The following ATP6V0A2 variants were observed in gnomAD, a reference collection of about 807,000 sequenced individuals.
ATP6V0A2 encodes V-type proton ATPase 116 kDa subunit a 2.
A neutral mutation model predicts 104.4 loss-of-function variants in ATP6V0A2; 58 were observed. The observed-to-expected ratio is 0.56, with a 90% CI of 0.45 to 0.69. ATP6V0A2 has a LOEUF of 0.69. ATP6V0A2 is among the 30% of genes least tolerant of loss of function. The pLI is 0.00. For synonymous variants in ATP6V0A2, 376 were observed against 397.9 expected, an observed-to-expected ratio of 0.95 and a Z score of 0.65; for missense variants, 938 against 1,062.9, an observed-to-expected ratio of 0.88 and a Z score of 1.63.
chr12:123,731,116 A>G (rs559322075), intron 6 of ATP6V0A2: 1 of 152,380 alleles, frequency 6.6e-6, no homozygotes, highest in African/African-American at 2.4e-5. Flanking sequence ...CCCCACGGTT[A>G]TAAAGAAAAT....
At position 123,712,372 on chromosome 12, in the gene ATP6V0A2, T is replaced by TGGCGGCAGCTGGAGC. The variant is rs1179152506; in HGVS notation, c.-187_-173dup. The TGGCGGCAGCTGGAGC allele has an allele frequency of 5.7e-6, 2 of 351,534 alleles. No homozygotes were observed. The highest frequency in any genetic ancestry group is 1.0e-5 in the Non-Finnish European group (2 of 198,390). The allele number at this position is 351,534 out of a possible 1,614,324, so 21.8% of individuals were successfully genotyped here. A position where few individuals can be genotyped will look rare whatever the true frequency, so the allele number is the denominator to read the frequency against. ...GGGGGCGGGACCTCGCGGACTGCTG[T>TGGCGGCAGCTGGAGC]GGCGGCAGCTGGAGCGGCGGCCGCG... On this transcript the variant is annotated 5_prime_UTR_variant, in exon 1 of 20. Coordinates refer to ENST00000330342, the MANE Select transcript of ATP6V0A2 (RefSeq NM_012463.4).
Position 123,752,364 on chromosome 12 carries a change from C to G in ATP6V0A2, c.2137C>G (p.Gln713Glu). ...GSQDIEEGNH[Q>E]VEDGCREMAC... ...CCAAGATATAGAAGAGGGAAATCAC[C>G]AGGTGGAAGATGGATGTAGAGAAAT... is the stretch of plus-strand genomic sequence containing the variant. The change falls in exon 17 of 20, where the codon CAG (glutamine) becomes GAG (glutamate). Residue 713 changes from glutamine to glutamate, a missense_variant. Transcript: ENST00000330342. The G allele has an allele frequency of 6.2e-7, 1 of 1,614,008 alleles. No individual in the cohort carries two copies. Among genetic ancestry groups the G allele is most frequent in the South Asian group, 1.1e-5 (1 of 91,070 alleles).
At position 123,737,197 on chromosome 12, in the gene ATP6V0A2, A is replaced by G; in HGVS notation, c.964A>G (p.Lys322Glu). The G allele has an allele frequency of 6.2e-7, 1 of 1,614,138 alleles. No individual in the cohort carries two copies. Among genetic ancestry groups the G allele is most frequent in the Non-Finnish European group, 8.5e-7 (1 of 1,180,032 alleles). Residue 322 changes from lysine (K) to glutamate (E), a missense_variant, in exon 9 of 20, where the codon AAG becomes GAG. Lys to Glu is a moderately conservative substitution (Grantham distance 56). Coordinates refer to ENST00000330342, the MANE Select transcript of ATP6V0A2 (RefSeq NM_012463.4). ...CATGTGCAGCTTTGACGTGACCAAC[A>G]AGTGCCTCATTGCTGAGGTCTGGTG... ...LNMCSFDVTNKCLIAEVWCPE... is the reference protein window; with the variant it reads ...LNMCSFDVTNECLIAEVWCPE...
intron 6 of ATP6V0A2, chr12:123,732,614 C>G (rs935705440): frequency 7.2e-6 from 1 of 138,274 alleles, no homozygotes; most frequent in African/African-American, 2.6e-5. Context: ...CCATGGGGCT[C>G]GCGTCCTCAC....
In ATP6V0A2 at chr12:123,758,132, A is replaced by C; in HGVS notation, c.*100A>C. On this transcript the variant is annotated 3_prime_UTR_variant, in exon 20 of 20. Coordinates refer to ENST00000330342, the MANE Select transcript of ATP6V0A2 (RefSeq NM_012463.4). Reference sequence around the variant, plus strand: ...TTATGATAGGAAAAATTCCATCTTCATTACTGCCTTATGACATAGCCAAAT... The same window carrying C: ...TTATGATAGGAAAAATTCCATCTTCCTTACTGCCTTATGACATAGCCAAAT... 1.2e-6 allele frequency: 1 copy of C among 822,960 alleles called. No homozygotes were observed. The allele number at this position is 822,960 out of a possible 1,614,324, so 51.0% of individuals were successfully genotyped here. A position where few individuals can be genotyped will look rare whatever the true frequency, so the allele number is the denominator to read the frequency against.
Position 123,718,768 on chromosome 12 carries a change from A to G in ATP6V0A2, c.196+67A>G. ...TATATAGGCAAACCTTGTTCGGTTT[A>G]AAAATATTGGAAAATATAGACAAGC... On this transcript the variant is annotated intron_variant, in intron 2 of 19. Transcript: ENST00000330342. 11 of 1,151,130 alleles carry G rather than the reference A, an allele frequency of 9.6e-6. 1 individual carries two copies. The South Asian group carries it at 1.5e-4, about 16-fold the overall frequency. 71.3% of individuals were successfully genotyped at this position (1,151,130 alleles called of 1,614,324 possible).
chr12:123,720,255 C>T (rs1956386292), intron 2 of ATP6V0A2, among the ~76,000 whole-genome samples: 1 of 152,144 alleles, frequency 6.6e-6, no homozygotes, highest in African/African-American at 2.4e-5. Flanking sequence ...TTGTGTGGTT[C>T]ATGTACGTTA....
chr12:123,747,907 T>C (rs1473518451), intron 14 of ATP6V0A2, among the ~76,000 whole-genome samples, 182 bp downstream of exon 14: 1 of 152,182 alleles, frequency 6.6e-6, no homozygotes, highest in East Asian at 1.9e-4. Context: ...AGCAAATATG[T>C]ATTTATCGAG....
intron 9 of ATP6V0A2, among the ~76,000 whole-genome samples, chr12:123,742,265 A>G (rs1772358971): frequency 6.6e-6 from 1 of 152,094 alleles, no homozygotes; most frequent in African/African-American, 2.4e-5. Flanking sequence ...CTTTCTGGCC[A>G]TTTTTGGTGT....
intron 6 of ATP6V0A2, among the ~76,000 whole-genome samples, chr12:123,728,741 C>T (rs1457016662): frequency 6.6e-6 from 1 of 152,260 alleles, no homozygotes; most frequent in African/African-American, 2.4e-5. Context: ...CTTCTCATTG[C>T]ACCGTCAGGT....
intron 14 of ATP6V0A2, 37 bp from the exon 15 acceptor site, chr12:123,748,538 C>G (rs761734366): frequency 1.9e-5 from 29 of 1,487,634 alleles, no homozygotes; most frequent in Non-Finnish European, 2.6e-5. Flanking sequence ...TTAGGCTGAT[C>G]TTGTTCGTGG....
Position 123,758,987 on chromosome 12 carries a change from T to A in ATP6V0A2, c.*955T>A, listed in dbSNP as rs1003445100. On this transcript the variant is annotated 3_prime_UTR_variant, in exon 20 of 20. Coordinates refer to ENST00000330342, the MANE Select transcript of ATP6V0A2 (RefSeq NM_012463.4). ...TTTAAAGACTCTTATCCTGTTACCC[T>A]TACATAAAACCAGTTATGATAATTG... The A allele has an allele frequency of 1.3e-5, 2 of 152,640 alleles. No homozygotes were observed. The highest frequency in any genetic ancestry group is 1.3e-4 in the Admixed American group (2 of 15,286). 9.5% of individuals were successfully genotyped at this position (152,640 alleles called of 1,614,324 possible).
At chr12:123,719,045 A>C (rs1956371483) in intron 2 of ATP6V0A2, among the ~76,000 whole-genome samples, 1 of 152,216 alleles carries the variant, frequency 6.6e-6, no homozygotes. Flanking sequence ...ATTAATATTA[A>C]TGTGCTGTGG....
chr12:123,716,483 C>T (rs1282386927), intron 1 of ATP6V0A2, among the ~76,000 whole-genome samples: 2 of 152,130 alleles, frequency 1.3e-5, no homozygotes, highest in African/African-American at 2.4e-5. Flanking sequence ...GTAGAGTTTA[C>T]CCATGATTTT....
intron 1 of ATP6V0A2, among the ~76,000 whole-genome samples, chr12:123,713,824 G>T (rs1237950852): frequency 6.6e-6 from 1 of 152,064 alleles, no homozygotes; most frequent in Admixed American, 6.6e-5. Context: ...TCTTCCTAAG[G>T]TGTCCTTAAT....
intron 9 of ATP6V0A2, among the ~76,000 whole-genome samples, chr12:123,742,530 G>T (rs1033466781): frequency 3.3e-5 from 5 of 152,112 alleles, no homozygotes; most frequent in Non-Finnish European, 5.9e-5. Flanking sequence ...CCCATTACAT[G>T]CATACGTTTT....
chr12:123,748,522 T>C, intron 14 of ATP6V0A2, 53 bp from the exon 15 acceptor site: 1 of 1,384,570 alleles, frequency 7.2e-7, no homozygotes, highest in Admixed American at 1.7e-5. Flanking sequence ...ATTTACTCTT[T>C]TTAACTTAGG....
intron 1 of ATP6V0A2, among the ~76,000 whole-genome samples, chr12:123,717,695 C>T (rs10734903): frequency 0.66 from 99,777 of 151,852 alleles, 33,102 homozygotes; most frequent in East Asian, 0.95. Flanking sequence ...CCTCCCACCT[C>T]AGCCTCCCAA....
chr12:123,718,283 T>G (rs1411987364), intron 1 of ATP6V0A2, among the ~76,000 whole-genome samples: 1 of 151,970 alleles, frequency 6.6e-6, no homozygotes, highest in Non-Finnish European at 1.5e-5. Flanking sequence ...AGAGGTGGGA[T>G]TTCACCATGT....
Sources: allele counts gnomAD v4.1 joint callset (sites outside exome capture counted in the v4.1 genomes callset), GRCh38; gene constraint gnomAD v4.1.1; transcripts MANE v1.5; gene names NCBI Gene and HGNC (gene_info 2026-07-23, HGNC 2026-07-21).